The following TAFA1 variants were observed in gnomAD, a reference collection of about 807,000 sequenced individuals.
TAFA1 encodes the protein chemokine-like protein TAFA-1.
TAFA1 carries 4 observed loss-of-function variants against 18.5 expected under a neutral mutation model. The ratio of observed to expected loss-of-function variants is 0.22; its 90% confidence interval spans 0.11 to 0.49. The LOEUF (loss-of-function observed/expected upper bound fraction) is 0.49. Ranked by LOEUF, TAFA1 falls within the 20% of genes least tolerant of loss-of-function variation. The probability of loss-of-function intolerance (pLI) is 0.98; values close to 1 mark genes in which losing one functional copy is unlikely to be tolerated. For synonymous variants in TAFA1, 56 were observed against 55.2 expected, an observed-to-expected ratio of 1.01 and a Z score of -0.06; for missense variants, 147 against 169.0, an observed-to-expected ratio of 0.87 and a Z score of 0.72.
chr3:68,075,583 T>C (rs1019114990), intron 2 of TAFA1, among the ~76,000 whole-genome samples: 44 of 152,152 alleles, frequency 2.9e-4, no homozygotes, highest in African/African-American at 1.0e-3. Context: ...TCTAAGTTAG[T>C]CAACTTTCTA....
intron 2 of TAFA1, among the ~76,000 whole-genome samples, chr3:68,120,161 CTCTTTCTTTCTCTTTCTT>C (rs1255537128): frequency 1.6e-4 from 23 of 142,048 alleles, no homozygotes; most frequent in South Asian, 4.4e-4. Context: ...TTCTTTCTTT[CTCTTTCTTTCTCTTTCTT>C]TCTTTCTTTC....
intron 2 of TAFA1, among the ~76,000 whole-genome samples, chr3:68,190,759 T>A (rs1233086607): frequency 6.6e-6 from 1 of 151,694 alleles, no homozygotes; most frequent in Non-Finnish European, 1.5e-5. Flanking sequence ...GGCTGTTAAG[T>A]TTTTTTTCTT....
intron 2 of TAFA1, among the ~76,000 whole-genome samples, chr3:68,055,877 T>G (rs890147779): frequency 1.3e-5 from 2 of 152,098 alleles, no homozygotes; most frequent in Non-Finnish European, 2.9e-5. Flanking sequence ...CTAGCCCCGA[T>G]TTTCAGCCTG....
intron 2 of TAFA1, among the ~76,000 whole-genome samples, chr3:68,100,243 G>C (rs1263790940): frequency 1.3e-5 from 2 of 152,178 alleles, no homozygotes; most frequent in Non-Finnish European, 2.9e-5. Flanking sequence ...CCAGCACTTA[G>C]GGAGGCTGAG....
chr3:68,285,398 T>A (rs1242995763), intron 2 of TAFA1, among the ~76,000 whole-genome samples: 1 of 152,118 alleles, frequency 6.6e-6, no homozygotes, highest in Non-Finnish European at 1.5e-5. Flanking sequence ...ACTTTTAAGA[T>A]TTGTAGATTT....
intron 4 of TAFA1, among the ~76,000 whole-genome samples, chr3:68,540,081 A>C (rs756505785): frequency 4.6e-5 from 7 of 152,052 alleles, no homozygotes; most frequent in Non-Finnish European, 1.0e-4. Context: ...TCACTTTTTC[A>C]GTGAATAAAA....
intron 3 of TAFA1, among the ~76,000 whole-genome samples, chr3:68,516,042 G>A (rs2072915611): frequency 6.6e-6 from 1 of 152,194 alleles, no homozygotes; most frequent in Non-Finnish European, 1.5e-5. Context: ...AGATATATTG[G>A]TCTCTGTTCA....
chr3:68,407,872 G>C (rs892900027), intron 2 of TAFA1, among the ~76,000 whole-genome samples: 4 of 152,074 alleles, frequency 2.6e-5, no homozygotes, highest in African/African-American at 9.7e-5. Context: ...TTAATCTCAA[G>C]CATAAACAAA....
At chr3:68,199,315 C>T (rs867081870) in intron 2 of TAFA1, among the ~76,000 whole-genome samples, 1 of 151,480 alleles carries the variant, frequency 6.6e-6, no homozygotes, top group African/African-American at 2.4e-5. Context: ...CTTTATTTTT[C>T]TCCTTCAATG....
intron 3 of TAFA1, among the ~76,000 whole-genome samples, chr3:68,425,441 T>C (rs1489525532): frequency 6.6e-6 from 1 of 151,966 alleles, no homozygotes; most frequent in Non-Finnish European, 1.5e-5. Context: ...ATTCGATTGT[T>C]CTTATTAGAA....
intron 2 of TAFA1, among the ~76,000 whole-genome samples, chr3:68,179,334 T>C (rs376461812): frequency 6.6e-6 from 1 of 152,226 alleles, no homozygotes; most frequent in South Asian, 2.1e-4. Context: ...CCTACATTAC[T>C]AAATGACCTT....
intron 2 of TAFA1, among the ~76,000 whole-genome samples, chr3:68,378,190 T>G (rs2069857184): frequency 6.6e-6 from 1 of 152,278 alleles, no homozygotes; most frequent in East Asian, 1.9e-4. Context: ...ACTGACACCT[T>G]GAACCATGTG....
intron 2 of TAFA1, among the ~76,000 whole-genome samples, chr3:68,091,118 G>C (rs1333558386): frequency 6.6e-6 from 1 of 152,132 alleles, no homozygotes; most frequent in Non-Finnish European, 1.5e-5. Flanking sequence ...TTAGCTGAAA[G>C]ATTTACCCTA....
In TAFA1 at chr3:68,069,430, T is replaced by C. The variant is rs187864223; in HGVS notation, c.118+62686T>C. ...GCATGGGAAAGACCTGCTCCCATGA[T>C]TCAACCACCTCCCACTGGGTCCCTC... On this transcript the variant is annotated intron_variant, in intron 2 of 4. Coordinates refer to ENST00000478136, the MANE Select transcript of TAFA1 (RefSeq NM_213609.4). Among the ~76,000 whole-genome samples the C allele has an allele frequency of 2.6e-4, 40 of 152,296 alleles. No individual in the cohort carries two copies. In the East Asian group the frequency reaches 7.6e-3, roughly 29 times the overall value.
At chr3:68,188,541 A>AGC (rs2066298930) in intron 2 of TAFA1, among the ~76,000 whole-genome samples, 1 of 148,796 alleles carries the variant, frequency 6.7e-6, no homozygotes, top group African/African-American at 2.5e-5. Flanking sequence ...AGAGAGAGAG[A>AGC]GTACCATCAG....
At chr3:68,334,915 A>G (rs1261807957) in intron 2 of TAFA1, among the ~76,000 whole-genome samples, 1 of 152,184 alleles carries the variant, frequency 6.6e-6, no homozygotes, top group Non-Finnish European at 1.5e-5. Context: ...CATCACTTAT[A>G]TCACATTTCA....
At chr3:68,000,926 C>T (rs765164087), upstream of TAFA1, among the ~76,000 whole-genome samples, 1 of 150,316 alleles carries the variant, frequency 6.7e-6, no homozygotes, top group Non-Finnish European at 1.5e-5. Flanking sequence ...TGTTGAATGG[C>T]CATTGGAATT....
intron 2 of TAFA1, among the ~76,000 whole-genome samples, chr3:68,067,270 AT>A (rs1335485818): frequency 6.6e-6 from 1 of 152,166 alleles, no homozygotes; most frequent in Non-Finnish European, 1.5e-5. Context: ...GTCCCAGAGC[AT>A]TTTTATGATC....
chr3:68,380,567 C>A (rs1234328011), intron 2 of TAFA1, among the ~76,000 whole-genome samples: 1 of 152,148 alleles, frequency 6.6e-6, no homozygotes, highest in Non-Finnish European at 1.5e-5. Context: ...TAAATATCTT[C>A]TTTTGAGAAG....
Sources: gnomAD v4.1 joint callset for allele counts (sites outside exome capture counted in the v4.1 genomes callset) on GRCh38, gnomAD v4.1.1 for gene constraint, MANE v1.5 for transcripts, NCBI Gene and HGNC (gene_info 2026-07-23, HGNC 2026-07-21) for gene names.